TSNARE1: variants seen among roughly 807,000 people sequenced by gnomAD.
TSNARE1 encodes the protein t-SNARE domain-containing protein 1.
A neutral mutation model predicts 62.0 loss-of-function variants in TSNARE1; 49 were observed. That is an observed-to-expected ratio of 0.79 (90% confidence interval 0.63 to 1.00). The LOEUF (loss-of-function observed/expected upper bound fraction) is 1.00. TSNARE1 is among the 50% of genes least tolerant of loss of function. The pLI is 0.00. For missense variants in TSNARE1, 755 were observed against 700.1 expected (o/e 1.08, Z -0.88); for synonymous variants, 328 against 294.4 (o/e 1.11, Z -1.17).
chr8:142,216,524 G>A (rs1419224095), intron 13 of TSNARE1, among the ~76,000 whole-genome samples: 1 of 152,194 alleles, frequency 6.6e-6, no homozygotes, highest in Non-Finnish European at 1.5e-5. Flanking sequence ...GGGAGATGAG[G>A]CTGGAGGGTG....
intron 12 of TSNARE1, among the ~76,000 whole-genome samples, chr8:142,245,216 G>A (rs959341882): frequency 7.9e-5 from 12 of 152,338 alleles, no homozygotes; most frequent in East Asian, 5.8e-4. Flanking sequence ...AGAGGAGCTC[G>A]TCTACTGCTG....
At chr8:142,305,146 G>A (rs1376928659) in intron 9 of TSNARE1, among the ~76,000 whole-genome samples, 1 of 152,186 alleles carries the variant, frequency 6.6e-6, no homozygotes, top group Non-Finnish European at 1.5e-5. Flanking sequence ...GCGGGCGAGT[G>A]AGATGGCCAG....
chr8:142,313,768 T>G (rs1475860137), intron 9 of TSNARE1, among the ~76,000 whole-genome samples: 1 of 152,186 alleles, frequency 6.6e-6, no homozygotes, highest in South Asian at 2.1e-4. Flanking sequence ...TGTGCCTGTG[T>G]TTTTTGTTTT....
At chr8:142,261,586 G>T (rs576188206) in intron 12 of TSNARE1, among the ~76,000 whole-genome samples, 1 of 152,170 alleles carries the variant, frequency 6.6e-6, no homozygotes, top group East Asian at 1.9e-4. Context: ...TGACCCATGT[G>T]AGCCCCAGGA....
chr8:142,283,354 G>C (rs1316879188), intron 11 of TSNARE1, among the ~76,000 whole-genome samples: 1 of 151,504 alleles, frequency 6.6e-6, no homozygotes, highest in African/African-American at 2.4e-5. Flanking sequence ...GTCTGTCAAT[G>C]AGCGGAGGTG....
At chr8:142,308,448 G>A (rs1057296924) in intron 9 of TSNARE1, among the ~76,000 whole-genome samples, 8 of 152,146 alleles carry the variant, frequency 5.3e-5, no homozygotes, top group Admixed American at 4.6e-4. Flanking sequence ...TCCGTATCAA[G>A]CTCTGAATGA....
rs62000450 is a variant in TSNARE1 at position 142,315,085 on chromosome 8, C to A, written c.992G>T (p.Arg331Leu). 2.3e-5 allele frequency: 37 copies of A among 1,613,968 alleles called. No individual in the cohort carries two copies. The Admixed American group carries it at 3.0e-4, about 13-fold the overall frequency. The change falls in exon 8 of 14, where the codon CGT becomes CTT. Residue 331 changes from arginine (R) to leucine (L), a missense_variant. Physicochemically the swap from Arg to Leu is moderately radical, Grantham distance 102 (BLOSUM62 -2). Transcript: ENST00000524325. ...CAGCTGAGGACGCTCCTGCTGCAGA[C>A]GCTCCTGCTGCAGAGAAGGTACAGC... is the stretch of plus-strand genomic sequence containing the variant. ...ELLRSSCPQERLQQERPQLDR... is the reference protein window; with the variant it reads ...ELLRSSCPQELLQQERPQLDR...
chr8:142,223,022 AG>A (rs1264574120), intron 13 of TSNARE1, among the ~76,000 whole-genome samples: 1 of 129,096 alleles, frequency 7.7e-6, no homozygotes, highest in Non-Finnish European at 1.6e-5. Context: ...TCACTCACTC[AG>A]CCACTCACTC....
intron 13 of TSNARE1, among the ~76,000 whole-genome samples, chr8:142,227,009 T>C (rs1307299958): frequency 7.6e-6 from 1 of 130,726 alleles, no homozygotes; most frequent in African/African-American, 3.6e-5. Context: ...CACACAGCAG[T>C]GACAGCCAAG....
chr8:142,348,251 C>T (rs548804864), intron 2 of TSNARE1, among the ~76,000 whole-genome samples: 30 of 152,264 alleles, frequency 2.0e-4, no homozygotes, highest in African/African-American at 6.7e-4. Flanking sequence ...ACAGAACGTG[C>T]GCGGGTCACT....
At chr8:142,401,079 CCCCACCTGGAAGGTGACTCCCCAACTCCG>C (rs947853372) in intron 1 of TSNARE1, among the ~76,000 whole-genome samples, 6 of 152,304 alleles carry the variant, frequency 3.9e-5, no homozygotes, top group Admixed American at 6.5e-5. Context: ...TGTCTTTCCT[CCCCACCTGGAAGGTGACTCCCCAACTCCG>C]CCCACCTGGA....
chr8:142,319,882 C>T lies in TSNARE1; in HGVS notation c.894-1248G>A, dbSNP rs570959625. 2.9e-4 allele frequency among the ~76,000 whole-genome samples: 44 copies of T among 152,294 alleles called. No homozygotes were observed. The East Asian group carries it at 8.3e-3, about 29-fold the overall frequency. ...GTTACTACAGACTAGGCGGGAAGCG[C>T]GGGGACAGGAGCTTTCTTCCCCGGG... On this transcript the variant is annotated intron_variant, in intron 6 of 13. Coordinates refer to ENST00000524325, the MANE Select transcript of TSNARE1 (RefSeq NM_145003.5). The surrounding 1 kb of genome is among the most constrained non-coding windows in gnomAD (Gnocchi z 4.9).
intron 11 of TSNARE1, chr8:142,276,759 G>A (rs1563807968): frequency 2.0e-6 from 2 of 985,428 alleles, no homozygotes; most frequent in Non-Finnish European, 2.4e-6. Flanking sequence ...CCCACCCTCA[G>A]AATGGGGACT....
At chr8:142,292,685 A>G (rs960559725) in intron 10 of TSNARE1, among the ~76,000 whole-genome samples, 1 of 152,260 alleles carries the variant, frequency 6.6e-6, no homozygotes, top group Middle Eastern at 3.4e-3. Flanking sequence ...GAGAGCAGAC[A>G]TGAAACAAAT....
At position 142,344,387 on chromosome 8, in the gene TSNARE1, C is replaced by T. The variant is rs769571129; in HGVS notation, c.324G>A (p.Gly108=). Residue 108 remains glycine, a synonymous_variant, in exon 4 of 14, where the codon GGG becomes GGA. Coordinates refer to ENST00000524325, the MANE Select transcript of TSNARE1 (RefSeq NM_145003.5). ...TGGGCCCCGCCATCCGGCCATGGGG[C>T]CCAGCAGCCGAGTCCTTCCTCGGGC... is the stretch of plus-strand genomic sequence containing the variant. ...TIGPRKDSAA[G]PHGRMAGPST... The T allele has an allele frequency of 1.3e-6, 2 of 1,578,690 alleles. No individual in the cohort carries two copies. Among genetic ancestry groups the T allele is most frequent in the Non-Finnish European group, 1.7e-6 (2 of 1,165,806 alleles).
At chr8:142,270,019 T>C (rs1444169759) in intron 12 of TSNARE1, 1 of 985,332 alleles carries the variant, frequency 1.0e-6, no homozygotes, top group Non-Finnish European at 1.2e-6. Context: ...GGGACCAGCA[T>C]GCCTCCCACT....
At chr8:142,371,762 A>C (rs1384544244) in intron 1 of TSNARE1, among the ~76,000 whole-genome samples, 1 of 152,156 alleles carries the variant, frequency 6.6e-6, no homozygotes, top group Non-Finnish European at 1.5e-5. Flanking sequence ...CTAAACGCCA[A>C]CTCTTAAAAA....
chr8:142,352,445 G>C (rs1001285489), intron 2 of TSNARE1, among the ~76,000 whole-genome samples: 14 of 152,262 alleles, frequency 9.2e-5, no homozygotes, highest in Non-Finnish European at 1.5e-5. Flanking sequence ...GCTGCAGGTG[G>C]CCCAGCCCAG....
At chr8:142,327,697 C>T (rs1830456826) in intron 6 of TSNARE1, among the ~76,000 whole-genome samples, 1 of 152,222 alleles carries the variant, frequency 6.6e-6, no homozygotes, top group African/African-American at 2.4e-5. Flanking sequence ...GCTCTCACTG[C>T]AGGAGGCGGG....
Sources: allele counts gnomAD v4.1 joint callset (sites outside exome capture counted in the v4.1 genomes callset), GRCh38; gene constraint gnomAD v4.1.1; non-coding constraint Gnocchi (gnomAD v3.1); transcripts MANE v1.5; gene names NCBI Gene and HGNC (gene_info 2026-07-23, HGNC 2026-07-21).